KCNJ14: variants seen among roughly 807,000 people sequenced by gnomAD.
KCNJ14 encodes ATP-sensitive inward rectifier potassium channel 14.
In KCNJ14, 18 loss-of-function variants were observed where a neutral mutation model predicts 24.5. The ratio of observed to expected loss-of-function variants is 0.74; its 90% CI spans 0.51 to 1.09. KCNJ14 has a LOEUF of 1.09. Among genes scored for constraint, KCNJ14 ranks in the 50% least tolerant of loss-of-function variants. The pLI is 0.00. For missense variants in KCNJ14, 633 were observed against 623.0 expected, an observed-to-expected ratio of 1.02 and a Z score of -0.17; for synonymous variants, 288 against 270.8, an observed-to-expected ratio of 1.06 and a Z score of -0.63.
chr19:48,463,210 C>T (rs1431573906), intron 2 of KCNJ14, among the ~76,000 whole-genome samples: 1 of 152,106 alleles, frequency 6.6e-6, no homozygotes, highest in Non-Finnish European at 1.5e-5. Context: ...AACTCTGGGC[C>T]GGCAGCTGCC....
At chr19:48,464,074 C>T in intron 2 of KCNJ14, 107 bp from the exon 3 acceptor site, 8 of 798,668 alleles carry the variant, frequency 1.0e-5, no homozygotes, top group Non-Finnish European at 1.7e-5. Context: ...CTTTTCTTCA[C>T]TCCTGTGGTC....
At position 48,464,973 on chromosome 19, in the gene KCNJ14, G is replaced by T. The variant is rs1971641916; in HGVS notation, c.*196G>T. On this transcript the variant is annotated 3_prime_UTR_variant, in exon 3 of 3. Coordinates refer to ENST00000342291, the MANE Select transcript of KCNJ14 (RefSeq NM_013348.4). ...ACTGGACCTTAATTCCTCTGCTTCTGTGCTCCCTCCTGAGAACCCTTTATG... is the reference window on the plus strand; with the variant it reads ...ACTGGACCTTAATTCCTCTGCTTCTTTGCTCCCTCCTGAGAACCCTTTATG... 2 of 588,696 alleles carry T rather than the reference G, an allele frequency of 3.4e-6. No homozygotes were observed. The highest frequency in any genetic ancestry group is 6.1e-6 in the Non-Finnish European group (2 of 330,474). 36.5% of individuals were successfully genotyped at this position (588,696 alleles called of 1,614,324 possible).
At position 48,464,673 on chromosome 19, in the gene KCNJ14, G is replaced by A. The variant is rs759009179; in HGVS notation, c.1207G>A (p.Asp403Asn). The A allele has an allele frequency of 4.3e-6, 7 of 1,614,000 alleles. No homozygotes were observed. Among genetic ancestry groups the A allele is most frequent in the Non-Finnish European group, 5.9e-6 (7 of 1,180,036 alleles). ...TGCTCTGAGCTGCTGCCAGGAGGAA[G>A]ATGAGGACGATGAGACTGAGGAAGG... ...ELALSCCQEE[D>N]EDDETEEGNG... Residue 403 changes from aspartate (D) to asparagine (N), a missense_variant, in exon 3 of 3, where the codon GAT becomes AAT. Coordinates refer to ENST00000342291, the MANE Select transcript of KCNJ14 (RefSeq NM_013348.4).
At chr19:48,461,452 T>G in intron 1 of KCNJ14, 1 of 306,956 alleles carries the variant, frequency 3.3e-6, no homozygotes. Flanking sequence ...CGCTTAAACT[T>G]GGGACGCGGA....
chr19:48,464,386 T>C lies in KCNJ14; in HGVS notation c.920T>C (p.Val307Ala), dbSNP rs1241553464. ...CTGGTGGTCATTCTCGAGGGGATGGTTGAGGCCACAGCCATGACCACACAG... is the reference window on the plus strand; with the variant it reads ...CTGGTGGTCATTCTCGAGGGGATGGCTGAGGCCACAGCCATGACCACACAG... The part of the protein sequence containing the change: ...FELVVILEGM[V>A]EATAMTTQCR... The change falls in exon 3 of 3, where the codon GTT (valine) becomes GCT (alanine). Residue 307 changes from valine (V) to alanine (A), a missense_variant. Transcript: ENST00000342291. 8.1e-6 allele frequency: 13 copies of C among 1,613,390 alleles called. No homozygotes were observed. The highest frequency in any genetic ancestry group is 6.7e-5 in the East Asian group (3 of 44,856).
Position 48,464,625 on chromosome 19 carries a change from G to C in KCNJ14, c.1159G>C (p.Ala387Pro). ...GTCTAGTTTCCCCGGCTCTCTGACT[G>C]CATTTTGTTATGAGAATGAACTTGC... ...LKSSFPGSLT[A>P]FCYENELALS... Residue 387 changes from alanine (A) to proline (P), a missense_variant, in exon 3 of 3, where the codon GCA becomes CCA. Transcript: ENST00000342291. The C allele has an allele frequency of 1.9e-6, 3 of 1,614,162 alleles. No individual in the cohort carries two copies. The highest frequency in any genetic ancestry group is 2.5e-6 in the Non-Finnish European group (3 of 1,180,030).
chr19:48,459,023 G>A (rs890736193), intron 1 of KCNJ14, among the ~76,000 whole-genome samples: 2 of 148,376 alleles, frequency 1.3e-5, no homozygotes, highest in African/African-American at 5.0e-5. Flanking sequence ...GGCGGATCAC[G>A]AGGTCAGGAG....
chr19:48,456,465 C>CG (rs1971540433), intron 1 of KCNJ14: 1 of 152,292 alleles, frequency 6.6e-6, no homozygotes, highest in Admixed American at 6.5e-5. Flanking sequence ...AGCCTTGCCT[C>CG]TGTCAAGTGG....
chr19:48,457,078 G>C (rs1971547905), intron 1 of KCNJ14: 1 of 151,354 alleles, frequency 6.6e-6, no homozygotes, highest in South Asian at 2.1e-4. Context: ...GCTCACTGCA[G>C]CCTTGAACTC....
At position 48,464,758 on chromosome 19, in the gene KCNJ14, C is replaced by T. The variant is rs73050908; in HGVS notation, c.1292C>T (p.Ala431Val). 23,448 of 1,604,310 alleles carry T rather than the reference C, an allele frequency of 0.015. 238 individuals carry two copies. Among genetic ancestry groups the T allele is most frequent in the Middle Eastern group, 0.021 (125 of 6,058 alleles). Reference sequence around the variant, plus strand: ...CCCCGAGTTCTCACACCAACCCTGGCGCTGACCCTGCCTCCATGATGCAAA... The same window carrying T: ...CCCCGAGTTCTCACACCAACCCTGGTGCTGACCCTGCCTCCATGATGCAAA... ...ASPRVLTPTL[A>V]LTLPP The change falls in exon 3 of 3, where the codon GCG becomes GTG. Residue 431 changes from alanine (A) to valine (V), a missense_variant. Coordinates refer to ENST00000342291, the MANE Select transcript of KCNJ14 (RefSeq NM_013348.4).
rs557587398 is a variant in KCNJ14 at position 48,460,039 on chromosome 19, T to C, written c.-55-1631T>C. 7.2e-5 allele frequency among the ~76,000 whole-genome samples: 11 copies of C among 151,730 alleles called. No homozygotes were observed. In the South Asian group the frequency reaches 2.3e-3, roughly 32 times the overall value. ...CATCTCAAAAAAAAAAAAAAAGTTA[T>C]TTAGTTCTGATGCAATTCAATTGAT... On this transcript the variant is annotated intron_variant, in intron 1 of 2. Coordinates refer to ENST00000342291, the MANE Select transcript of KCNJ14 (RefSeq NM_013348.4).
At chr19:48,459,898 A>G (rs1392314046) in intron 1 of KCNJ14, among the ~76,000 whole-genome samples, 4 of 151,964 alleles carry the variant, frequency 2.6e-5, no homozygotes, top group Admixed American at 6.6e-5. Context: ...GCGTGGTGGC[A>G]TGTGCCTGTA....
Position 48,464,765 on chromosome 19 carries a change from C to T in KCNJ14, c.1299C>T (p.Thr433=). Residue 433 remains threonine, a synonymous_variant, in exon 3 of 3, where the codon ACC becomes ACT. Coordinates refer to ENST00000342291, the MANE Select transcript of KCNJ14 (RefSeq NM_013348.4). The part of the protein sequence containing the change: ...PRVLTPTLAL[T]LPP ...TTCTCACACCAACCCTGGCGCTGACCCTGCCTCCATGATGCAAACTGATGT... is the reference window on the plus strand; with the variant it reads ...TTCTCACACCAACCCTGGCGCTGACTCTGCCTCCATGATGCAAACTGATGT... 1 of 1,602,706 alleles carries T rather than the reference C, an allele frequency of 6.2e-7. No individual in the cohort carries two copies. Among genetic ancestry groups the T allele is most frequent in the Non-Finnish European group, 8.5e-7 (1 of 1,178,726 alleles).
Position 48,461,674 on chromosome 19 carries a change from T to A in KCNJ14, c.-51T>A, listed in dbSNP as rs758654284. 1.2e-4 allele frequency: 142 copies of A among 1,184,444 alleles called. No homozygotes were observed. Among genetic ancestry groups the A allele is most frequent in the Non-Finnish European group, 1.5e-4 (138 of 899,496 alleles). The allele number at this position is 1,184,444 out of a possible 1,614,324, so 73.4% of individuals were successfully genotyped here. A position where few individuals can be genotyped will look rare whatever the true frequency, so the allele number is the denominator to read the frequency against. On this transcript the variant is annotated 5_prime_UTR_variant, in exon 2 of 3. It adds an upstream start codon to the 5' untranslated region. Coordinates refer to ENST00000342291, the MANE Select transcript of KCNJ14 (RefSeq NM_013348.4). ...TCTGCCGGTTTCTTGTCCCAGCAGG[T>A]TGGGGGCGCCTGCCCCCCACTAGGC...
intron 1 of KCNJ14, among the ~76,000 whole-genome samples, chr19:48,457,678 C>G (rs1426064779): frequency 6.6e-6 from 1 of 151,866 alleles, no homozygotes; most frequent in Non-Finnish European, 1.5e-5. Flanking sequence ...GCAGCCATCA[C>G]AATTAATTTT....
Position 48,465,491 on chromosome 19 carries a change from T to TAC in KCNJ14, c.*715_*716insCA, listed in dbSNP as rs1424987234. 1 of 152,314 alleles carries TAC rather than the reference T, an allele frequency of 6.6e-6. No individual in the cohort carries two copies. Among genetic ancestry groups the TAC allele is most frequent in the Non-Finnish European group, 1.5e-5 (1 of 68,044 alleles). The allele number at this position is 152,314 out of a possible 1,614,324, so 9.4% of individuals were successfully genotyped here. A position where few individuals can be genotyped will look rare whatever the true frequency, so the allele number is the denominator to read the frequency against. On this transcript the variant is annotated 3_prime_UTR_variant, in exon 3 of 3. Coordinates refer to ENST00000342291, the MANE Select transcript of KCNJ14 (RefSeq NM_013348.4). ...GTTTCTAGAATGCACAAAACATTGTTAGTCTGTGGGTTTAGAAAGACTGAA... is the reference window on the plus strand; with the variant it reads ...GTTTCTAGAATGCACAAAACATTGTTACAGTCTGTGGGTTTAGAAAGACTGAA...
chr19:48,458,733 G>A (rs919735232), intron 1 of KCNJ14, among the ~76,000 whole-genome samples: 11 of 151,836 alleles, frequency 7.2e-5, no homozygotes, highest in Non-Finnish European at 4.4e-5. Context: ...TTTAAATTGG[G>A]TTATTTGGCA....
chr19:48,461,756 G>A lies in KCNJ14; in HGVS notation c.32G>A (p.Ser11Asn). MGLARALRRL[S>N]GALDSGDSRA... ...CTGGCCAGGGCCCTACGCCGCCTCA[G>A]CGGCGCCCTGGATTCGGGAGACAGC... Residue 11 changes from serine to asparagine, a missense_variant, in exon 2 of 3, where the codon AGC (serine) becomes AAC (asparagine). Coordinates refer to ENST00000342291, the MANE Select transcript of KCNJ14 (RefSeq NM_013348.4). The A allele has an allele frequency of 6.9e-7, 1 of 1,444,084 alleles. No individual in the cohort carries two copies. Among genetic ancestry groups the A allele is most frequent in the Non-Finnish European group, 9.1e-7 (1 of 1,101,816 alleles). 89.5% of individuals were successfully genotyped at this position (1,444,084 alleles called of 1,614,324 possible).
chr19:48,458,080 C>T (rs1971557137), intron 1 of KCNJ14, among the ~76,000 whole-genome samples: 1 of 152,330 alleles, frequency 6.6e-6, no homozygotes, highest in South Asian at 2.1e-4. Flanking sequence ...GAATATACCA[C>T]ATTTTATTTA....
Sources: gnomAD v4.1 joint callset for allele counts (sites outside exome capture counted in the v4.1 genomes callset) on GRCh38, gnomAD v4.1.1 for gene constraint, MANE v1.5 for transcripts, NCBI Gene and HGNC (gene_info 2026-07-23, HGNC 2026-07-21) for gene names.